The following DLG2 variants were observed in gnomAD, a reference collection of about 807,000 sequenced individuals.
DLG2 encodes the protein discs large MAGUK scaffold protein 2.
Under a neutral mutation model 132.5 loss-of-function variants are expected in DLG2, and 45 were observed. The ratio of observed to expected loss-of-function variants is 0.34; its 90% CI spans 0.27 to 0.44. The LOEUF (loss-of-function observed/expected upper bound fraction) is 0.44. DLG2 is among the 20% of genes least tolerant of loss of function. The probability of loss-of-function intolerance (pLI) is 1.00; values close to 1 mark genes in which losing one functional copy is unlikely to be tolerated. For missense variants in DLG2, 1,045 were observed against 1,196.9 expected (o/e 0.87, Z 1.87); for synonymous variants, 424 against 419.6 (o/e 1.01, Z -0.13).
chr11:85,317,177 G>A (rs1014904592), intron 3 of DLG2, among the ~76,000 whole-genome samples: 1 of 152,098 alleles, frequency 6.6e-6, no homozygotes, highest in South Asian at 2.1e-4. Flanking sequence ...GAGGATCTGA[G>A]AGAAAGCCAG....
At chr11:85,106,545 C>T (rs1473481430) in intron 6 of DLG2, among the ~76,000 whole-genome samples, 1 of 151,926 alleles carries the variant, frequency 6.6e-6, no homozygotes, top group East Asian at 1.9e-4. Context: ...CTTTTTCTCA[C>T]CAATTTATCC....
intron 3 of DLG2, among the ~76,000 whole-genome samples, chr11:85,339,179 T>C (rs931056193): frequency 6.6e-6 from 1 of 152,236 alleles, no homozygotes; most frequent in Non-Finnish European, 1.5e-5. Context: ...TATCAGTCTG[T>C]ACAGATCTTC....
chr11:84,809,422 T>A (rs1181118093), intron 6 of DLG2, among the ~76,000 whole-genome samples: 3 of 149,030 alleles, frequency 2.0e-5, no homozygotes, highest in African/African-American at 7.5e-5. Flanking sequence ...TGCTTTAAAT[T>A]CTTGCCATAA....
In DLG2 at chr11:84,353,482, A is replaced by G. The variant is rs888479728; in HGVS notation, c.520-102191T>C. ...TCAGTCACCAAGTCCTGTTGTGTCT[A>G]TCTCCAAAATATTTTTTTAATTCAC... On this transcript the variant is annotated intron_variant, in intron 7 of 27. Transcript: ENST00000376104. 1.3e-5 allele frequency among the ~76,000 whole-genome samples: 2 copies of G among 152,026 alleles called. 1 individual carries two copies. Among genetic ancestry groups the G allele is most frequent in the Admixed American group, 1.3e-4 (2 of 15,254 alleles).
chr11:84,922,009 C>A (rs1157273162), intron 6 of DLG2, among the ~76,000 whole-genome samples: 1 of 152,004 alleles, frequency 6.6e-6, no homozygotes, highest in African/African-American at 2.4e-5. Context: ...AACATAAATA[C>A]CTACCTGTTT....
intron 8 of DLG2, among the ~76,000 whole-genome samples, chr11:84,207,183 G>A (rs1280238822): frequency 1.3e-5 from 2 of 151,676 alleles, no homozygotes; most frequent in African/African-American, 4.8e-5. Flanking sequence ...ACGCTTATGG[G>A]CTGGAAGACT....
At chr11:84,240,410 G>A (rs1273176841) in intron 8 of DLG2, among the ~76,000 whole-genome samples, 1 of 152,140 alleles carries the variant, frequency 6.6e-6, no homozygotes, top group Admixed American at 6.5e-5. Context: ...CAATATGCAA[G>A]GTAGTTTTTA....
intron 6 of DLG2, among the ~76,000 whole-genome samples, chr11:84,651,459 T>C (rs1237346441): frequency 1.3e-5 from 2 of 152,138 alleles, no homozygotes; most frequent in Non-Finnish European, 1.5e-5. Context: ...CAGAAAACTT[T>C]TCAGAGTTCA....
intron 3 of DLG2, among the ~76,000 whole-genome samples, chr11:85,318,205 T>C (rs1435530992): frequency 6.6e-6 from 1 of 151,916 alleles, no homozygotes; most frequent in Non-Finnish European, 1.5e-5. Context: ...AGCCAGCATA[T>C]TGGCATCCCT....
At chr11:83,960,172 A>G (rs1308466925) in intron 14 of DLG2, among the ~76,000 whole-genome samples, 3 of 151,982 alleles carry the variant, frequency 2.0e-5, no homozygotes, top group Non-Finnish European at 4.4e-5. Context: ...CAATGCCTAC[A>G]CAGTTTTCAA....
chr11:84,682,815 AT>A (rs2099734682), intron 6 of DLG2, among the ~76,000 whole-genome samples: 1 of 152,140 alleles, frequency 6.6e-6, no homozygotes, highest in African/African-American at 2.4e-5. Flanking sequence ...TATTGCCTCT[AT>A]TGCTCTGATC....
chr11:84,760,963 C>G (rs1019841753), intron 6 of DLG2, among the ~76,000 whole-genome samples: 1 of 152,168 alleles, frequency 6.6e-6, no homozygotes, highest in African/African-American at 2.4e-5. Flanking sequence ...CTCAATAAAA[C>G]CTGGCACTCA....
intron 8 of DLG2, among the ~76,000 whole-genome samples, chr11:84,208,108 T>C (rs1027568214): frequency 6.6e-6 from 1 of 152,172 alleles, no homozygotes; most frequent in Non-Finnish European, 1.5e-5. Flanking sequence ...TCCAAACCAA[T>C]GTATACGTTT....
At chr11:84,027,399 A>G (rs748861225) in intron 11 of DLG2, among the ~76,000 whole-genome samples, 12 of 152,120 alleles carry the variant, frequency 7.9e-5, no homozygotes, top group Non-Finnish European at 1.8e-4. Flanking sequence ...GATAGTGAAG[A>G]CAAAGGTAAG....
At chr11:84,666,408 G>C (rs1434887337) in intron 6 of DLG2, among the ~76,000 whole-genome samples, 1 of 152,056 alleles carries the variant, frequency 6.6e-6, no homozygotes, top group Non-Finnish European at 1.5e-5. Flanking sequence ...TTTTAGACTT[G>C]ACAGCCTCTC....
chr11:84,207,724 G>C (rs2096691445), intron 8 of DLG2, among the ~76,000 whole-genome samples: 1 of 152,196 alleles, frequency 6.6e-6, no homozygotes, highest in Admixed American at 6.5e-5. Context: ...GTGATCTAGA[G>C]ATATGCAAAG....
intron 6 of DLG2, among the ~76,000 whole-genome samples, chr11:84,912,636 T>G (rs1297020671): frequency 6.6e-6 from 1 of 152,252 alleles, no homozygotes. Flanking sequence ...TGCAGACTAC[T>G]TTGTAAATGG....
chr11:84,253,690 A>G (rs2097422030), intron 7 of DLG2, among the ~76,000 whole-genome samples: 1 of 152,208 alleles, frequency 6.6e-6, no homozygotes, highest in Non-Finnish European at 1.5e-5. Context: ...ATACATAAGC[A>G]TATATATCCT....
chr11:85,389,182 C>G lies in DLG2; in HGVS notation c.41-103817G>C, dbSNP rs1354973134. ...AAAAACAATCGCAACTTCTGAAAAT[C>G]AAGGACACACTTAAAGAAATACAAA... On this transcript the variant is annotated intron_variant, in intron 3 of 27. Transcript: ENST00000376104. Among the ~76,000 whole-genome samples, 4 of 152,064 alleles carry G rather than the reference C, an allele frequency of 2.6e-5. No individual in the cohort carries two copies. The East Asian group carries it at 7.7e-4, about 29-fold the overall frequency.
Sources: gnomAD v4.1 joint callset for allele counts (sites outside exome capture counted in the v4.1 genomes callset) on GRCh38, gnomAD v4.1.1 for gene constraint, MANE v1.5 for transcripts, NCBI Gene and HGNC (gene_info 2026-07-23, HGNC 2026-07-21) for gene names.